CTPS1: variants seen among roughly 807,000 people sequenced by gnomAD.
The protein encoded by CTPS1 is CTP synthase 1.
CTPS1 carries 25 observed loss-of-function variants against 80.5 expected under a neutral mutation model. That is an observed-to-expected ratio of 0.31 (90% CI 0.23 to 0.43). CTPS1 has a LOEUF of 0.43. CTPS1 is among the 20% of genes least tolerant of loss of function. The probability of loss-of-function intolerance (pLI) is 1.00; values close to 1 mark genes in which losing one functional copy is unlikely to be tolerated. For missense variants in CTPS1, 442 were observed against 725.7 expected, an observed-to-expected ratio of 0.61 and a Z score of 4.49; for synonymous variants, 267 against 252.5, an observed-to-expected ratio of 1.06 and a Z score of -0.54.
In CTPS1 at chr1:41,007,658, G is replaced by C; in HGVS notation, c.1393+113G>C. On this transcript the variant is annotated intron_variant, in intron 14 of 18. Transcript: ENST00000650070. This position sits in a 1 kb window ranked among gnomAD's most constrained non-coding sequence, Gnocchi z 4.4. ...GCTGGCTTTTTTTGGTTTCGTTCTT[G>C]CTTTTGAAGTTCATTCTTTCCTCTC... 1 of 784,984 alleles carries C rather than the reference G, an allele frequency of 1.3e-6. No individual in the cohort carries two copies. Among genetic ancestry groups the C allele is most frequent in the Non-Finnish European group, 2.1e-6 (1 of 472,782 alleles). 48.6% of individuals were successfully genotyped at this position (784,984 alleles called of 1,614,324 possible). A position where few individuals can be genotyped will look rare whatever the true frequency, so the allele number is the denominator to read the frequency against.
chr1:40,998,397 A>T (rs1320224305), intron 9 of CTPS1, among the ~76,000 whole-genome samples: 2 of 22,184 alleles, frequency 9.0e-5, no homozygotes, highest in African/African-American at 7.1e-4. Context: ...GACTCTGTCT[A>T]AAAAAAAAAA....
chr1:41,008,533 T>C, intron 14 of CTPS1, 126 bp from the exon 15 acceptor site: 1 of 961,876 alleles, frequency 1.0e-6, no homozygotes, highest in Non-Finnish European at 1.6e-6. Context: ...AGCAGATTCA[T>C]AGAAATAGCC....
At chr1:40,995,644 C>T (rs1378896066) in intron 7 of CTPS1, among the ~76,000 whole-genome samples, 1 of 152,274 alleles carries the variant, frequency 6.6e-6, no homozygotes, top group East Asian at 1.9e-4. Context: ...AGCAATCCTC[C>T]TGCCATGGCC....
At chr1:41,000,215 A>T (rs934920092) in intron 9 of CTPS1, among the ~76,000 whole-genome samples, 5 of 147,420 alleles carry the variant, frequency 3.4e-5, no homozygotes, top group African/African-American at 7.6e-5. Flanking sequence ...ATGGTAACTT[A>T]TGTTTTGTTT....
At chr1:40,990,632 AG>A (rs138708950) in intron 5 of CTPS1, among the ~76,000 whole-genome samples, 86 of 151,668 alleles carry the variant, frequency 5.7e-4, no homozygotes, top group Non-Finnish European at 5.3e-4. Context: ...TTAAAAAAAA[AG>A]AAAAAGTCCA....
Position 41,007,339 on chromosome 1 carries a change from T to C in CTPS1, c.1297-110T>C. ...GACAAAATGTCTCATAAGGAAAGCC[T>C]GGAGAATTAGAGCTTACTTACAAGC... On this transcript the variant is annotated intron_variant, in intron 13 of 18. Coordinates refer to ENST00000650070, the MANE Select transcript of CTPS1 (RefSeq NM_001905.4). The surrounding 1 kb of genome is among the most constrained non-coding windows in gnomAD (Gnocchi z 4.4). The C allele has an allele frequency of 1.2e-6, 1 of 867,706 alleles. No individual in the cohort carries two copies. Among genetic ancestry groups the C allele is most frequent in the Non-Finnish European group, 1.8e-6 (1 of 546,034 alleles). The allele number at this position is 867,706 out of a possible 1,614,324, so 53.8% of individuals were successfully genotyped here. A position where few individuals can be genotyped will look rare whatever the true frequency, so the allele number is the denominator to read the frequency against.
intron 17 of CTPS1, 21 bp downstream of exon 17, chr1:41,009,610 A>G (rs1400901556): frequency 6.2e-7 from 1 of 1,613,152 alleles, no homozygotes; most frequent in Non-Finnish European, 8.5e-7. Flanking sequence ...TCTTTGCTTC[A>G]GTAATCCATT....
At chr1:40,991,324 CCTTT>C in intron 6 of CTPS1, 76 bp downstream of exon 6, 5 of 1,155,362 alleles carry the variant, frequency 4.3e-6, no homozygotes, top group Non-Finnish European at 6.2e-6. Context: ...ACAGACAAGA[CCTTT>C]GTCTTGTTGG....
intron 5 of CTPS1, among the ~76,000 whole-genome samples, chr1:40,990,238 A>G (rs1369804773): frequency 6.6e-6 from 1 of 152,200 alleles, no homozygotes; most frequent in Non-Finnish European, 1.5e-5. Flanking sequence ...CTTTACAGAA[A>G]AAATTTTCTG....
chr1:40,997,694 C>G (rs571595334), intron 9 of CTPS1, among the ~76,000 whole-genome samples, 168 bp downstream of exon 9: 1 of 152,280 alleles, frequency 6.6e-6, no homozygotes, highest in South Asian at 2.1e-4. Context: ...TTTGAGAAGA[C>G]AGTAGAGCAT....
chr1:41,011,284 A>G (rs150585294), intron 18 of CTPS1, among the ~76,000 whole-genome samples: 2,325 of 152,320 alleles, frequency 0.015, 30 homozygotes, highest in Non-Finnish European at 0.021. Flanking sequence ...GGAGTTTGCT[A>G]TAGGCTGTTT....
intron 9 of CTPS1, among the ~76,000 whole-genome samples, chr1:40,999,584 T>C (rs1642851246): frequency 1.3e-5 from 2 of 152,186 alleles, no homozygotes; most frequent in Admixed American, 6.5e-5. Context: ...GTGGAGCTCT[T>C]ACCTTGCTGC....
At position 41,010,184 on chromosome 1, in the gene CTPS1, G is replaced by T; in HGVS notation, c.1715G>T (p.Gly572Val). 6 of 1,613,948 alleles carry T rather than the reference G, an allele frequency of 3.7e-6. No individual in the cohort carries two copies. The highest frequency in any genetic ancestry group is 5.1e-6 in the Non-Finnish European group (6 of 1,179,800). ...AGGGACACCTATAGTGACAGGAGTG[G>T]AAGCAGCTCCCCTGACTCTGAAATC... ...SPRDTYSDRS[G>V]SSSPDSEITE... The change falls in exon 18 of 19, where the codon GGA becomes GTA. Residue 572 changes from glycine to valine, a missense_variant. Physicochemically the swap from Gly to Val is moderately radical, Grantham distance 109. Coordinates refer to ENST00000650070, the MANE Select transcript of CTPS1 (RefSeq NM_001905.4).
At chr1:41,001,257 C>T (rs1642896830) in intron 10 of CTPS1, 140 bp downstream of exon 10, 1 of 587,198 alleles carries the variant, frequency 1.7e-6, no homozygotes, top group African/African-American at 2.0e-5. Flanking sequence ...TACATGCCAT[C>T]TGATTTAATC....
intron 6 of CTPS1, 90 bp downstream of exon 6, chr1:40,991,338 G>T: frequency 2.9e-6 from 3 of 1,025,650 alleles, no homozygotes; most frequent in Non-Finnish European, 2.9e-6. Context: ...TGTCTTGTTG[G>T]GTTGCTTTTG....
intron 5 of CTPS1, among the ~76,000 whole-genome samples, chr1:40,989,332 G>GTA (rs1447888674): frequency 6.6e-6 from 1 of 152,350 alleles, no homozygotes; most frequent in East Asian, 1.9e-4. Flanking sequence ...GTTGAGGGCA[G>GTA]TAACACTGGA....
intron 7 of CTPS1, 31 bp downstream of exon 7, chr1:40,991,876 GT>G: frequency 6.4e-7 from 1 of 1,550,656 alleles, no homozygotes; most frequent in Non-Finnish European, 8.9e-7. Flanking sequence ...CTAATAAGTT[GT>G]TTTTTGCTTC....
chr1:40,980,858 C>T (rs1174149753), intron 1 of CTPS1: 2 of 153,182 alleles, frequency 1.3e-5, no homozygotes, highest in African/African-American at 4.8e-5. Flanking sequence ...CGCCTTCCCC[C>T]TCACGGCCTT....
chr1:40,980,484 C>T (rs1040635244), intron 1 of CTPS1: 1 of 152,238 alleles, frequency 6.6e-6, no homozygotes, highest in Non-Finnish European at 1.5e-5. Context: ...GCCCTTCCGT[C>T]CACGCTCGTT....
Sources: allele counts gnomAD v4.1 joint callset (sites outside exome capture counted in the v4.1 genomes callset), GRCh38; gene constraint gnomAD v4.1.1; non-coding constraint Gnocchi (gnomAD v3.1); transcripts MANE v1.5; gene names NCBI Gene and HGNC (gene_info 2026-07-23, HGNC 2026-07-21).